HPSE2: variants seen among roughly 807,000 people sequenced by gnomAD.
HPSE2 encodes inactive heparanase-2.
HPSE2 carries 38 observed loss-of-function variants against 60.5 expected under a neutral mutation model. The ratio of observed to expected loss-of-function variants is 0.63; its 90% confidence interval spans 0.48 to 0.82. HPSE2 has a LOEUF of 0.82. Ranked by LOEUF, HPSE2 falls within the 40% of genes least tolerant of loss-of-function variation. The pLI, the probability that HPSE2 is intolerant of heterozygous loss-of-function variation, is 0.00. For missense variants in HPSE2, 713 were observed against 740.4 expected (o/e 0.96, Z 0.43); for synonymous variants, 295 against 293.2 (o/e 1.01, Z -0.06).
At chr10:99,153,090 C>G (rs886951425) in intron 2 of HPSE2, among the ~76,000 whole-genome samples, 1 of 152,222 alleles carries the variant, frequency 6.6e-6, no homozygotes, top group Admixed American at 6.5e-5. Context: ...GCACATGGCT[C>G]GGAGGGTCCT....
At chr10:98,970,033 C>T (rs903064218) in intron 3 of HPSE2, among the ~76,000 whole-genome samples, 3 of 151,782 alleles carry the variant, frequency 2.0e-5, no homozygotes, top group African/African-American at 7.3e-5. Context: ...GTGATCTCAG[C>T]TCACTGCAAC....
intron 6 of HPSE2, among the ~76,000 whole-genome samples, chr10:98,673,701 G>C (rs1030621848): frequency 6.6e-6 from 1 of 151,804 alleles, no homozygotes; most frequent in African/African-American, 2.4e-5. Flanking sequence ...CTGATTTCTT[G>C]TATTTTTTTT....
the HPSE2 span, among the ~76,000 whole-genome samples, chr10:99,292,899 T>C: frequency 6.6e-6 from 1 of 152,248 alleles, no homozygotes; most frequent in African/African-American, 2.4e-5. Context: ...TTGATAAACA[T>C]AAATATTACA....
intron 3 of HPSE2, among the ~76,000 whole-genome samples, chr10:98,925,243 C>A (rs1213835766): frequency 6.6e-6 from 1 of 152,126 alleles, no homozygotes; most frequent in African/African-American, 2.4e-5. Context: ...TGGGGCTTTT[C>A]TGTGTACAGA....
At chr10:99,193,050 A>G (rs1486723952) in intron 2 of HPSE2, among the ~76,000 whole-genome samples, 2 of 152,212 alleles carry the variant, frequency 1.3e-5, no homozygotes, top group South Asian at 4.1e-4. Context: ...AGAAAGACTA[A>G]AAGATGAACC....
chr10:99,268,943 G>A, the HPSE2 span, among the ~76,000 whole-genome samples: 1 of 151,994 alleles, frequency 6.6e-6, no homozygotes, highest in African/African-American at 2.4e-5. Flanking sequence ...ATCACCTGAG[G>A]TCAGGAGTTC....
chr10:98,743,157 G>A (rs896328785), intron 4 of HPSE2, among the ~76,000 whole-genome samples: 7 of 151,782 alleles, frequency 4.6e-5, no homozygotes, highest in South Asian at 4.2e-4. Flanking sequence ...ATTTTTAATA[G>A]AGTCGGGGTT....
intron 3 of HPSE2, among the ~76,000 whole-genome samples, chr10:99,072,077 T>C (rs1170449363): frequency 1.3e-5 from 2 of 151,994 alleles, no homozygotes; most frequent in Non-Finnish European, 2.9e-5. Context: ...TGGTTACATA[T>C]GGATTTAAGA....
At chr10:98,593,389 C>T (rs1331877946) in intron 9 of HPSE2, among the ~76,000 whole-genome samples, 2 of 151,636 alleles carry the variant, frequency 1.3e-5, no homozygotes, top group East Asian at 1.9e-4. Flanking sequence ...TTATGGAAAG[C>T]GTTGGATGGC....
intron 3 of HPSE2, among the ~76,000 whole-genome samples, chr10:98,803,502 G>T (rs971752890): frequency 6.6e-6 from 1 of 151,886 alleles, no homozygotes; most frequent in Non-Finnish European, 1.5e-5. Context: ...TTTTGTATAA[G>T]GTGTAAGGAA....
intron 3 of HPSE2, among the ~76,000 whole-genome samples, chr10:99,016,433 T>C (rs1470204923): frequency 6.6e-6 from 1 of 152,200 alleles, no homozygotes; most frequent in African/African-American, 2.4e-5. Flanking sequence ...TTGGTTACTG[T>C]AGTCCTGTGG....
chr10:99,164,567 T>C (rs1214386636), intron 2 of HPSE2, among the ~76,000 whole-genome samples: 1 of 152,048 alleles, frequency 6.6e-6, no homozygotes, highest in Non-Finnish European at 1.5e-5. Context: ...CCACATGTGT[T>C]CATTGCTACT....
rs560358181 is a variant in HPSE2 at position 98,576,799 on chromosome 10, C to T, written c.1320+38105G>A. ...TCCAGGACCCCTGCTCTAATCTCAG[C>T]CCTTGTTCTCTATAGTCTATTGGAT... is the stretch of plus-strand genomic sequence containing the variant. On this transcript the variant is annotated intron_variant, in intron 9 of 11. Transcript: ENST00000370552. Among the ~76,000 whole-genome samples, 211 of 117,204 alleles carry T rather than the reference C, an allele frequency of 1.8e-3. 2 individuals are homozygous for T. The highest frequency in any genetic ancestry group is 3.2e-3 in the Non-Finnish European group (171 of 53,540). The allele number at this position is 117,204 out of a possible 152,430, so 76.9% of individuals were successfully genotyped here. A position where few individuals can be genotyped will look rare whatever the true frequency, so the allele number is the denominator to read the frequency against.
chr10:98,623,550 G>C (rs1466213679), intron 7 of HPSE2, among the ~76,000 whole-genome samples: 3 of 151,966 alleles, frequency 2.0e-5, no homozygotes, highest in Non-Finnish European at 4.4e-5. Context: ...CAAAAGGAGA[G>C]GTATAGTCTA....
chr10:99,259,741 G>A, the HPSE2 span, among the ~76,000 whole-genome samples: 1 of 152,340 alleles, frequency 6.6e-6, no homozygotes, highest in African/African-American at 2.4e-5. Flanking sequence ...TGGCCTGTTA[G>A]GAAGGGGGAC....
chr10:99,046,788 A>G (rs956214233), intron 3 of HPSE2, among the ~76,000 whole-genome samples: 1 of 152,078 alleles, frequency 6.6e-6, no homozygotes, highest in Non-Finnish European at 1.5e-5. Flanking sequence ...AAAGATCTCC[A>G]CAAGGATAAC....
At chr10:98,706,401 T>C (rs377036633) in intron 5 of HPSE2, among the ~76,000 whole-genome samples, 1 of 152,174 alleles carries the variant, frequency 6.6e-6, no homozygotes, top group Admixed American at 6.5e-5. Flanking sequence ...ATGTGCTGGA[T>C]GCAGGTATCA....
chr10:99,232,297 C>T (rs1050330590), intron 2 of HPSE2, 51 bp downstream of exon 2: 2 of 1,535,334 alleles, frequency 1.3e-6, no homozygotes, highest in East Asian at 2.5e-5. Context: ...ACAAACACAG[C>T]GGGTGCTTGC....
chr10:98,873,296 G>T, intron 3 of HPSE2, among the ~76,000 whole-genome samples: 1 of 151,800 alleles, frequency 6.6e-6, no homozygotes, highest in East Asian at 1.9e-4. Context: ...TGTTACATAG[G>T]TATACACGTG....
Sources: allele counts gnomAD v4.1 joint callset (sites outside exome capture counted in the v4.1 genomes callset), GRCh38; gene constraint gnomAD v4.1.1; transcripts MANE v1.5; gene names NCBI Gene and HGNC (gene_info 2026-07-23, HGNC 2026-07-21).